Variants in S100A10 observed in about 807,000 individuals in gnomAD.
The protein encoded by S100A10 is protein S100-A10.
In S100A10, 3 loss-of-function variants were observed where a neutral mutation model predicts 7.1. That is an observed-to-expected ratio of 0.42 (90% CI 0.19 to 1.10). The LOEUF is 1.10. Among genes scored for constraint, S100A10 ranks in the 50% least tolerant of loss-of-function variants. The probability of loss-of-function intolerance (pLI) is 0.29; values close to 1 mark genes in which losing one functional copy is unlikely to be tolerated. For synonymous variants in S100A10, 41 were observed against 39.3 expected (o/e 1.04, Z -0.16); for missense variants, 101 against 118.1 (o/e 0.86, Z 0.67).
In S100A10 at chr1:151,993,145, C is replaced by T. The variant is rs1310864230; in HGVS notation, c.-22+607G>A. On this transcript the variant is annotated intron_variant, in intron 1 of 2. Coordinates refer to ENST00000368811, the MANE Select transcript of S100A10 (RefSeq NM_002966.3). This position sits in a 1 kb window ranked among gnomAD's most constrained non-coding sequence, Gnocchi z 5.1. ...CAGCCAAACTGCTGTAGAAAGAAAA[C>T]AAGTGGACCTCCCTCCCTCAGCAGG... is the stretch of plus-strand genomic sequence containing the variant. Among the ~76,000 whole-genome samples the T allele has an allele frequency of 6.6e-6, 1 of 152,156 alleles. No individual in the cohort carries two copies. Among genetic ancestry groups the T allele is most frequent in the African/African-American group, 2.4e-5 (1 of 41,456 alleles).
At chr1:151,992,289 C>T (rs1655921783) in intron 1 of S100A10, among the ~76,000 whole-genome samples, 1 of 152,210 alleles carries the variant, frequency 6.6e-6, no homozygotes, top group Non-Finnish European at 1.5e-5. Flanking sequence ...ACATAAAACT[C>T]CATTCCTGGA....
intron 2 of S100A10, 53 bp from the exon 3 acceptor site, chr1:151,983,377 G>A: frequency 4.0e-6 from 5 of 1,256,602 alleles, no homozygotes; most frequent in Non-Finnish European, 5.4e-6. Context: ...TTGCAATGAG[G>A]AGCTTATTTG....
chr1:151,992,169 C>A lies in S100A10; in HGVS notation c.-22+1583G>T, dbSNP rs191296541. On this transcript the variant is annotated intron_variant, in intron 1 of 2. Coordinates refer to ENST00000368811, the MANE Select transcript of S100A10 (RefSeq NM_002966.3). ...AAACTTCCAATAAGTTATATGAACT[C>A]ATTCCCACTCCAACCCCTGGCATTA... Among the ~76,000 whole-genome samples the A allele has an allele frequency of 1.4e-4, 22 of 152,274 alleles. 1 individual carries two copies. Among genetic ancestry groups the A allele is most frequent in the Admixed American group, 1.4e-3 (22 of 15,304 alleles).
At chr1:151,989,821 T>G (rs146255905) in intron 1 of S100A10, among the ~76,000 whole-genome samples, 19 of 152,332 alleles carry the variant, frequency 1.2e-4, no homozygotes, top group African/African-American at 4.1e-4. Flanking sequence ...CTGCAAGCTC[T>G]ATTCCTGGAC....
At chr1:151,989,959 TTTAA>T (rs1319453893) in intron 1 of S100A10, among the ~76,000 whole-genome samples, 20 of 152,258 alleles carry the variant, frequency 1.3e-4, no homozygotes, top group Non-Finnish European at 2.1e-4. Flanking sequence ...TTCAATTTCA[TTTAA>T]TTGTTTACTT....
At chr1:151,983,833 G>C (rs139118867) in intron 2 of S100A10, among the ~76,000 whole-genome samples, 8 of 152,340 alleles carry the variant, frequency 5.3e-5, no homozygotes, top group South Asian at 2.1e-4. Context: ...ACACAGCTTA[G>C]TGGGCCTTTG....
At chr1:151,987,829 A>G (rs934503777) in intron 1 of S100A10, among the ~76,000 whole-genome samples, 7 of 152,210 alleles carry the variant, frequency 4.6e-5, no homozygotes, top group Non-Finnish European at 8.8e-5. Flanking sequence ...TGCCCGGCCT[A>G]TATGTATTCT....
At chr1:151,985,095 A>G (rs1418738748) in intron 2 of S100A10, 1 of 152,956 alleles carries the variant, frequency 6.5e-6, no homozygotes, top group Non-Finnish European at 1.5e-5. Context: ...TATTGATTGC[A>G]GGAGTCAGGG....
In S100A10 at chr1:151,993,271, C is replaced by T. The variant is rs1334971665; in HGVS notation, c.-22+481G>A. ...GGAAGGGACGCCCCAGCTGCCTACT[C>T]GTCCTACCCGCGCCTACTTGGGCGG... On this transcript the variant is annotated intron_variant, in intron 1 of 2. Coordinates refer to ENST00000368811, the MANE Select transcript of S100A10 (RefSeq NM_002966.3). This position sits in a 1 kb window ranked among gnomAD's most constrained non-coding sequence, Gnocchi z 5.1. 6.6e-6 allele frequency among the ~76,000 whole-genome samples: 1 copy of T among 152,156 alleles called. No homozygotes were observed. Among genetic ancestry groups the T allele is most frequent in the African/African-American group, 2.4e-5 (1 of 41,446 alleles).
intron 2 of S100A10, 108 bp from the exon 3 acceptor site, chr1:151,983,432 G>C: frequency 1.6e-6 from 1 of 617,532 alleles, no homozygotes; most frequent in Non-Finnish European, 2.4e-6. Context: ...AATTACTTGA[G>C]CTCTTGTTTT....
intron 1 of S100A10, among the ~76,000 whole-genome samples, chr1:151,987,868 T>C (rs1361905932): frequency 2.0e-5 from 3 of 152,208 alleles, no homozygotes; most frequent in African/African-American, 7.2e-5. Context: ...TGTTATTTAC[T>C]GCAATAAAGA....
chr1:151,989,596 ATGT>A (rs1300530326), intron 1 of S100A10, among the ~76,000 whole-genome samples: 1 of 152,222 alleles, frequency 6.6e-6, no homozygotes, highest in East Asian at 1.9e-4. Flanking sequence ...AAAGGGGGAA[ATGT>A]TGTGATTAAA....
intron 1 of S100A10, among the ~76,000 whole-genome samples, chr1:151,989,803 T>C (rs970996455): frequency 6.6e-6 from 1 of 152,212 alleles, no homozygotes; most frequent in Non-Finnish European, 1.5e-5. Flanking sequence ...CACCCTCACG[T>C]AGCCACTCTG....
chr1:151,988,717 T>C (rs1655847215), intron 1 of S100A10, among the ~76,000 whole-genome samples: 1 of 152,204 alleles, frequency 6.6e-6, no homozygotes, highest in South Asian at 2.1e-4. Context: ...TTTCCTTCTC[T>C]TCTGACACAG....
chr1:151,993,781 A>C lies in S100A10; in HGVS notation c.-51T>G, dbSNP rs1655964548. On this transcript the variant is annotated 5_prime_UTR_variant, in exon 1 of 3. Transcript: ENST00000368811. This position sits in a 1 kb window ranked among gnomAD's most constrained non-coding sequence, Gnocchi z 5.1. ...GCCGAGGCGCGGCGGACGCTGGGCG[A>C]GCTGGGCGAGCTGGACGCGGGGCGG... 6.4e-6 allele frequency: 1 copy of C among 156,454 alleles called. No individual in the cohort carries two copies. The highest frequency in any genetic ancestry group is 6.5e-5 in the Admixed American group (1 of 15,280). 9.7% of individuals were successfully genotyped at this position (156,454 alleles called of 1,614,324 possible). A position where few individuals can be genotyped will look rare whatever the true frequency, so the allele number is the denominator to read the frequency against.
At position 151,990,785 on chromosome 1, in the gene S100A10, T is replaced by C. The variant is rs1388585492; in HGVS notation, c.-22+2967A>G. ...TTAAAGCATTTGGCCTGAATTCTAG[T>C]TATTTGTGTTTCTGTTTCTTTCCTC... On this transcript the variant is annotated intron_variant, in intron 1 of 2. Transcript: ENST00000368811. 2.0e-5 allele frequency among the ~76,000 whole-genome samples: 3 copies of C among 152,142 alleles called. No homozygotes were observed. The East Asian group carries it at 5.8e-4, about 29-fold the overall frequency.
intron 1 of S100A10, among the ~76,000 whole-genome samples, chr1:151,990,221 A>C (rs142461140): frequency 3.9e-5 from 6 of 152,358 alleles, no homozygotes; most frequent in Admixed American, 6.5e-5. Context: ...ACGGAACAGT[A>C]GATAGAGTAC....
chr1:151,993,754 T>A lies in S100A10; in HGVS notation c.-24A>T, dbSNP rs952987360. 1.3e-5 allele frequency: 2 copies of A among 155,710 alleles called. No individual in the cohort carries two copies. Among genetic ancestry groups the A allele is most frequent in the Non-Finnish European group, 2.8e-5 (2 of 70,636 alleles). The allele number at this position is 155,710 out of a possible 1,614,324, so 9.6% of individuals were successfully genotyped here. ...CGCGTGGGCCGGGCGGAGCTCACCT[T>A]GGCCGAGGCGCGGCGGACGCTGGGC... is the stretch of plus-strand genomic sequence containing the variant. On this transcript the variant is annotated splice_region_variant and 5_prime_UTR_variant, in exon 1 of 3. Coordinates refer to ENST00000368811, the MANE Select transcript of S100A10 (RefSeq NM_002966.3). This position sits in a 1 kb window ranked among gnomAD's most constrained non-coding sequence, Gnocchi z 5.1.
intron 1 of S100A10, among the ~76,000 whole-genome samples, chr1:151,989,859 G>C (rs1367525037): frequency 6.6e-6 from 1 of 152,232 alleles, no homozygotes; most frequent in Non-Finnish European, 1.5e-5. Flanking sequence ...ATCCTGGTTA[G>C]ACACATTTTG....
Sources: gnomAD v4.1 joint callset for allele counts (sites outside exome capture counted in the v4.1 genomes callset) on GRCh38, gnomAD v4.1.1 for gene constraint, Gnocchi (gnomAD v3.1) non-coding constraint, MANE v1.5 for transcripts, NCBI Gene and HGNC (gene_info 2026-07-23, HGNC 2026-07-21) for gene names.